Variants in ANKRD35 observed in about 807,000 individuals in gnomAD.
ANKRD35 encodes the protein ankyrin repeat domain 35.
A neutral mutation model predicts 109.9 loss-of-function variants in ANKRD35; 102 were observed. That is an observed-to-expected ratio of 0.93 (90% CI 0.79 to 1.09). The LOEUF (loss-of-function observed/expected upper bound fraction) is 1.09. Among genes scored for constraint, ANKRD35 ranks in the 50% least tolerant of loss-of-function variants. ANKRD35 has a pLI of 0.00. For missense variants in ANKRD35, 1,240 were observed against 1,230.1 expected (o/e 1.01, Z -0.12); for synonymous variants, 515 against 512.4 (o/e 1.01, Z -0.07).
chr1:145,882,779 T>C (rs587754338), intron 1 of ANKRD35, among the ~76,000 whole-genome samples: 23 of 152,238 alleles, frequency 1.5e-4, no homozygotes, highest in African/African-American at 5.1e-4. Context: ...CCCCAGCACC[T>C]TGGAAAGGAG....
chr1:145,870,631 A>G (rs938544616), intron 10 of ANKRD35, among the ~76,000 whole-genome samples: 1 of 152,154 alleles, frequency 6.6e-6, no homozygotes, highest in Admixed American at 6.5e-5. Context: ...AATTAACCTC[A>G]ACCCGCACTG....
At chr1:145,883,840 G>C (rs1041374138) in intron 1 of ANKRD35, among the ~76,000 whole-genome samples, 1 of 152,196 alleles carries the variant, frequency 6.6e-6, no homozygotes, top group Non-Finnish European at 1.5e-5. Flanking sequence ...CTATTTGCAA[G>C]CTTTCTATGA....
At chr1:145,885,636 T>G in intron 1 of ANKRD35, 84 bp downstream of exon 1, 1 of 1,432,918 alleles carries the variant, frequency 7.0e-7, no homozygotes, top group Non-Finnish European at 9.8e-7. Flanking sequence ...GAAAAGGCGA[T>G]GATGCATTGA....
intron 10 of ANKRD35, among the ~76,000 whole-genome samples, chr1:145,869,015 C>A (rs1334510198): frequency 6.6e-6 from 1 of 151,856 alleles, no homozygotes; most frequent in East Asian, 1.9e-4. Flanking sequence ...AAAGAGGCAT[C>A]TAAATGTGTT....
At chr1:145,882,023 C>T (rs769186748) in intron 1 of ANKRD35, among the ~76,000 whole-genome samples, 7 of 129,982 alleles carry the variant, frequency 5.4e-5, no homozygotes, top group East Asian at 2.4e-4. Flanking sequence ...GGCGTGGTCT[C>T]GGCTCACTGC....
chr1:145,875,784 G>A (rs910356201), intron 7 of ANKRD35, among the ~76,000 whole-genome samples: 11 of 152,148 alleles, frequency 7.2e-5, no homozygotes, highest in South Asian at 6.2e-4. Context: ...TCTTGACCTC[G>A]TGATCCACCC....
intron 4 of ANKRD35, 92 bp downstream of exon 4, chr1:145,877,876 G>A: frequency 2.3e-6 from 3 of 1,294,168 alleles, no homozygotes; most frequent in Non-Finnish European, 3.3e-6. Flanking sequence ...AGTACATTTG[G>A]CCAACTATTC....
rs782367162 is a variant in ANKRD35, at chr1:145,873,986, C to G, written c.784-1G>C. 1.9e-6 allele frequency: 3 copies of G among 1,613,664 alleles called. No homozygotes were observed. The highest frequency in any genetic ancestry group is 2.5e-6 in the Non-Finnish European group (3 of 1,179,880). On this transcript the variant is annotated splice_acceptor_variant, in intron 9 of 13. Coordinates refer to ENST00000355594, the MANE Select transcript of ANKRD35 (RefSeq NM_144698.5). LOFTEE classifies it high-confidence loss of function. ...CTGCCTGGGGCTCAGATGGAGAGGC[C>G]TATGTTGGAAACAGAATAGTAAAGT...
At chr1:145,878,559 G>T (rs1432932497) in intron 2 of ANKRD35, 80 bp from the exon 3 acceptor site, 19 of 1,330,580 alleles carry the variant, frequency 1.4e-5, no homozygotes, top group Non-Finnish European at 1.9e-5. Flanking sequence ...AGCCCTTCTT[G>T]CTATGCTCCC....
intron 1 of ANKRD35, among the ~76,000 whole-genome samples, chr1:145,881,013 C>T (rs927934873): frequency 6.6e-6 from 1 of 152,156 alleles, no homozygotes; most frequent in African/African-American, 2.4e-5. Flanking sequence ...TGGCTGGGTG[C>T]GGTGGTTCAC....
In ANKRD35 at chr1:145,867,341, C is replaced by T; in HGVS notation, c.2995G>A (p.Glu999Lys). Residue 999 changes from glutamate (E) to lysine (K), a missense_variant, in exon 13 of 14, where the codon GAA (glutamate) becomes AAA (lysine). Glu to Lys is a moderately conservative substitution (Grantham distance 56). Transcript: ENST00000355594. ...YNILLQILSM[E>K]EE ...ACAGTGAGGCTGCCTCACTCCTCTT[C>T]CATGCTAAGGATTTGCAGCAGGATA... The T allele has an allele frequency of 6.2e-7, 1 of 1,613,964 alleles. No homozygotes were observed. Among genetic ancestry groups the T allele is most frequent in the African/African-American group, 1.3e-5 (1 of 75,008 alleles).
intron 4 of ANKRD35, 68 bp downstream of exon 4, chr1:145,877,900 A>G: frequency 6.7e-7 from 1 of 1,481,720 alleles, no homozygotes; most frequent in Non-Finnish European, 9.4e-7. Context: ...TTAAGTATGA[A>G]ATGAAGTTAG....
intron 4 of ANKRD35, 76 bp downstream of exon 4, chr1:145,877,892 A>T: frequency 7.0e-7 from 1 of 1,427,702 alleles, no homozygotes; most frequent in Non-Finnish European, 9.9e-7. Context: ...TATTCCTTTT[A>T]AGTATGAAAT....
Position 145,876,936 on chromosome 1 carries a change from C to G in ANKRD35, c.325-63G>C, listed in dbSNP as rs1443265038. On this transcript the variant is annotated intron_variant, in intron 4 of 13. Transcript: ENST00000355594. The stretch of plus-strand genomic sequence containing the variant: ...GTGTTAACATCCTCATCCCATACCC[C>G]CATTGGGTCACCAATTTCCATGGTA... 2.4e-5 allele frequency: 38 copies of G among 1,554,232 alleles called. 1 individual carries two copies. The South Asian group carries it at 3.6e-4, about 15-fold the overall frequency.
chr1:145,876,095 T>C (rs1553739990), intron 7 of ANKRD35, 45 bp downstream of exon 7: 3 of 1,558,064 alleles, frequency 1.9e-6, no homozygotes, highest in Non-Finnish European at 2.6e-6. Flanking sequence ...TCTTTCTAAA[T>C]TGGTCAGGCA....
chr1:145,876,257 T>G lies in ANKRD35; in HGVS notation c.454-11A>C, dbSNP rs17352281. ...GGGTGTACGTCCATCCTGCACAGAT[T>G]GTAGGAAGAGGTTCATGAGCAGCCA... On this transcript the variant is annotated splice_polypyrimidine_tract_variant and intron_variant, in intron 6 of 13. Coordinates refer to ENST00000355594, the MANE Select transcript of ANKRD35 (RefSeq NM_144698.5). The G allele has an allele frequency of 0.39, 624,957 of 1,604,672 alleles. 125,588 individuals carry two copies. The highest frequency in any genetic ancestry group is 0.42 in the Non-Finnish European group (489,497 of 1,172,854).
At chr1:145,876,974 G>T in intron 4 of ANKRD35, 101 bp from the exon 5 acceptor site, 1 of 1,236,984 alleles carries the variant, frequency 8.1e-7, no homozygotes, top group Non-Finnish European at 1.2e-6. Flanking sequence ...ATGAGGAGGG[G>T]CAGGAGGTCC....
intron 10 of ANKRD35, among the ~76,000 whole-genome samples, chr1:145,869,106 T>TA (rs1653712578): frequency 6.6e-6 from 1 of 151,952 alleles, no homozygotes; most frequent in Non-Finnish European, 1.5e-5. Flanking sequence ...ATTGAAAACT[T>TA]AAAAAAATTT....
At chr1:145,867,888 G>T in intron 12 of ANKRD35, 103 bp downstream of exon 12, 1 of 1,118,356 alleles carries the variant, frequency 8.9e-7, no homozygotes, top group Non-Finnish European at 1.4e-6. Flanking sequence ...CCGAGAAACA[G>T]CAAGTGTGTA....
Sources: gnomAD v4.1 joint callset for allele counts (sites outside exome capture counted in the v4.1 genomes callset) on GRCh38, gnomAD v4.1.1 for gene constraint, MANE v1.5 for transcripts, NCBI Gene and HGNC (gene_info 2026-07-23, HGNC 2026-07-21) for gene names.